The following PAK5 variants were observed in gnomAD, a reference collection of about 807,000 sequenced individuals.
PAK5 encodes the protein serine/threonine-protein kinase PAK 5.
A neutral mutation model predicts 65.9 loss-of-function variants in PAK5; 16 were observed. The observed-to-expected ratio is 0.24, with a 90% confidence interval of 0.16 to 0.37. The LOEUF (loss-of-function observed/expected upper bound fraction) is 0.37, where lower values mean the gene tolerates loss of function less well. Ranked by LOEUF, PAK5 falls within the 10% of genes least tolerant of loss-of-function variation. The pLI is 1.00. For missense variants in PAK5, 785 were observed against 903.9 expected, an observed-to-expected ratio of 0.87 and a Z score of 1.69; for synonymous variants, 371 against 354.9, an observed-to-expected ratio of 1.05 and a Z score of -0.51.
At chr20:9,834,426 A>T (rs949790660) in intron 1 of PAK5, among the ~76,000 whole-genome samples, 1 of 152,216 alleles carries the variant, frequency 6.6e-6, no homozygotes, top group East Asian at 1.9e-4. Flanking sequence ...TTTGACAGAA[A>T]CACACCAGGA....
intron 1 of PAK5, among the ~76,000 whole-genome samples, chr20:9,780,161 T>C (rs1270316081): frequency 6.6e-6 from 1 of 152,084 alleles, no homozygotes; most frequent in African/African-American, 2.4e-5. Flanking sequence ...TTTATTAGCA[T>C]GGGGCAAAAT....
chr20:9,764,015 G>A (rs369915505), intron 1 of PAK5, among the ~76,000 whole-genome samples: 1 of 151,964 alleles, frequency 6.6e-6, no homozygotes. Flanking sequence ...CATACTAATT[G>A]CATTTGGGAA....
intron 1 of PAK5, among the ~76,000 whole-genome samples, chr20:9,732,495 GT>G (rs1234738680): frequency 5.3e-5 from 8 of 152,200 alleles, no homozygotes; most frequent in Non-Finnish European, 1.2e-4. Context: ...TCAAGACATT[GT>G]TGACATTTTA....
chr20:9,696,695 A>G (rs1439088432), intron 2 of PAK5, among the ~76,000 whole-genome samples: 3 of 152,134 alleles, frequency 2.0e-5, no homozygotes, highest in Non-Finnish European at 4.4e-5. Context: ...AGAAAATTGT[A>G]TTATGGAGAA....
intron 7 of PAK5, among the ~76,000 whole-genome samples, chr20:9,546,525 C>T (rs946093048): frequency 3.9e-5 from 6 of 152,058 alleles, no homozygotes; most frequent in Admixed American, 2.0e-4. Flanking sequence ...GTAGTGAAAC[C>T]CTTGAAGGGC....
chr20:9,630,932 TG>T (rs1202299952), intron 3 of PAK5, among the ~76,000 whole-genome samples: 1 of 152,160 alleles, frequency 6.6e-6, no homozygotes, highest in Non-Finnish European at 1.5e-5. Context: ...TTGGACAGGC[TG>T]GGGGCATATA....
chr20:9,615,956 C>G (rs553016353), intron 3 of PAK5, among the ~76,000 whole-genome samples: 1 of 152,140 alleles, frequency 6.6e-6, no homozygotes, highest in Admixed American at 6.5e-5. Context: ...CCAAGAAAAC[C>G]GGTGAAAGCT....
intron 1 of PAK5, among the ~76,000 whole-genome samples, chr20:9,771,470 G>A (rs544167735): frequency 1.3e-5 from 2 of 151,134 alleles, no homozygotes; most frequent in South Asian, 2.1e-4. Flanking sequence ...ATGCACTGGT[G>A]TAATCACTGC....
At chr20:9,795,857 G>T (rs768728379) in intron 1 of PAK5, among the ~76,000 whole-genome samples, 4 of 152,058 alleles carry the variant, frequency 2.6e-5, no homozygotes, top group Middle Eastern at 3.4e-3. Flanking sequence ...TATAAATATG[G>T]AAATATACTT....
At chr20:9,603,354 C>T (rs2046393575) in intron 3 of PAK5, among the ~76,000 whole-genome samples, 1 of 152,154 alleles carries the variant, frequency 6.6e-6, no homozygotes, top group Admixed American at 6.5e-5. Flanking sequence ...GTGTCAACTC[C>T]ACCTTCTCTG....
intron 1 of PAK5, among the ~76,000 whole-genome samples, chr20:9,802,718 T>G: frequency 6.6e-6 from 1 of 150,486 alleles, no homozygotes; most frequent in Non-Finnish European, 1.5e-5. Flanking sequence ...TGGACAGGGG[T>G]GGGAAAGTTA....
chr20:9,595,490 G>A (rs2046247451), intron 3 of PAK5, among the ~76,000 whole-genome samples: 1 of 152,138 alleles, frequency 6.6e-6, no homozygotes, highest in Non-Finnish European at 1.5e-5. Context: ...AAGCTGCCTT[G>A]CCAAATTGAA....
At chr20:9,637,499 C>T (rs2068184542) in intron 3 of PAK5, among the ~76,000 whole-genome samples, 1 of 151,968 alleles carries the variant, frequency 6.6e-6, no homozygotes, top group Non-Finnish European at 1.5e-5. Flanking sequence ...AGAACCACTG[C>T]AAGAAAACTT....
At chr20:9,805,722 G>A (rs1439619616) in intron 1 of PAK5, among the ~76,000 whole-genome samples, 1 of 152,166 alleles carries the variant, frequency 6.6e-6, no homozygotes, top group Non-Finnish European at 1.5e-5. Context: ...AGTTTTTGCA[G>A]GGGCCTGGGG....
At chr20:9,551,783 C>A (rs1405660318) in intron 7 of PAK5, among the ~76,000 whole-genome samples, 2 of 152,180 alleles carry the variant, frequency 1.3e-5, no homozygotes, top group East Asian at 3.9e-4. Context: ...CTGGGTACCA[C>A]GTAGCCTGAG....
intron 7 of PAK5, among the ~76,000 whole-genome samples, chr20:9,547,348 G>A (rs758445544): frequency 3.3e-5 from 5 of 152,148 alleles, no homozygotes; most frequent in African/African-American, 1.2e-4. Flanking sequence ...GTAGCAATTT[G>A]TTATAGCAGT....
At chr20:9,611,791 G>C (rs1319780032) in intron 3 of PAK5, among the ~76,000 whole-genome samples, 1 of 152,162 alleles carries the variant, frequency 6.6e-6, no homozygotes, top group Non-Finnish European at 1.5e-5. Context: ...TGCCTCAAGA[G>C]AGAAGAAAGT....
intron 3 of PAK5, among the ~76,000 whole-genome samples, chr20:9,603,269 T>C (rs912951471): frequency 3.9e-5 from 6 of 152,208 alleles, no homozygotes; most frequent in African/African-American, 1.4e-4. Flanking sequence ...GTGTTTCTAG[T>C]TGGGGAGGGA....
intron 3 of PAK5, among the ~76,000 whole-genome samples, chr20:9,636,064 C>T (rs1408555228): frequency 1.3e-5 from 2 of 152,102 alleles, no homozygotes; most frequent in Non-Finnish European, 2.9e-5. Context: ...ATCAGTTATG[C>T]GTAATTGAGA....
Sources: allele counts gnomAD v4.1 joint callset (sites outside exome capture counted in the v4.1 genomes callset), GRCh38; gene constraint gnomAD v4.1.1; transcripts MANE v1.5; gene names NCBI Gene and HGNC (gene_info 2026-07-23, HGNC 2026-07-21).